METTL15: variants seen among roughly 807,000 people sequenced by gnomAD.
METTL15 encodes 12S rRNA N(4)-cytidine methyltransferase METTL15.
In METTL15, 34 loss-of-function variants were observed where a neutral mutation model predicts 38.3. That is an observed-to-expected ratio of 0.89 (90% CI 0.68 to 1.18). The LOEUF is 1.18. Among genes scored for constraint, METTL15 ranks in the 50% most tolerant of loss-of-function variants. METTL15 has a pLI of 0.00. For missense variants in METTL15, 438 were observed against 498.4 expected (o/e 0.88, Z 1.15); for synonymous variants, 162 against 170.9 (o/e 0.95, Z 0.41).
intron 5 of METTL15, among the ~76,000 whole-genome samples, chr11:28,393,205 T>G (rs1850529891): frequency 6.6e-6 from 1 of 152,116 alleles, no homozygotes; most frequent in Admixed American, 6.6e-5. Flanking sequence ...AACAGTATTT[T>G]AAAGAGGTAT....
intron 4 of METTL15, among the ~76,000 whole-genome samples, chr11:28,353,524 A>C (rs1850060046): frequency 6.6e-6 from 1 of 152,194 alleles, no homozygotes; most frequent in Non-Finnish European, 1.5e-5. Context: ...GATAGACAGC[A>C]GGTAGCCAGT....
At chr11:28,390,661 A>T (rs371355545) in intron 5 of METTL15, among the ~76,000 whole-genome samples, 1 of 152,154 alleles carries the variant, frequency 6.6e-6, no homozygotes, top group Non-Finnish European at 1.5e-5. Context: ...GTCAGGTAGC[A>T]TGATGCCTCC....
intron 5 of METTL15, among the ~76,000 whole-genome samples, chr11:28,400,738 T>C (rs1850623155): frequency 6.6e-6 from 1 of 151,918 alleles, no homozygotes; most frequent in Admixed American, 6.6e-5. Flanking sequence ...TGGGTGGGCT[T>C]GGTCAAGGGA....
intron 6 of METTL15, among the ~76,000 whole-genome samples, chr11:28,469,753 A>T (rs1304070753): frequency 2.6e-5 from 4 of 152,128 alleles, no homozygotes; most frequent in Non-Finnish European, 4.4e-5. Flanking sequence ...AAGTATGATG[A>T]TGTGCATTGA....
chr11:28,210,592 A>G (rs2133839236), intron 3 of METTL15, among the ~76,000 whole-genome samples: 1 of 151,864 alleles, frequency 6.6e-6, no homozygotes, highest in East Asian at 1.9e-4. Context: ...CTTATTTATT[A>G]TTAGGGATGT....
chr11:28,477,108 T>A (rs1851353436), intron 6 of METTL15, among the ~76,000 whole-genome samples: 1 of 152,232 alleles, frequency 6.6e-6, no homozygotes, highest in African/African-American at 2.4e-5. Context: ...AGACTTGTGC[T>A]GTTGAGGTCT....
chr11:28,371,002 T>C (rs1463195555), intron 5 of METTL15, among the ~76,000 whole-genome samples: 1 of 152,072 alleles, frequency 6.6e-6, no homozygotes, highest in East Asian at 1.9e-4. Flanking sequence ...ACTTTGTGGG[T>C]TGTCTCTTCA....
intron 5 of METTL15, among the ~76,000 whole-genome samples, chr11:28,292,341 G>A (rs1420666146): frequency 2.6e-5 from 4 of 151,616 alleles, no homozygotes; most frequent in Admixed American, 2.6e-4. Flanking sequence ...AGTTTGCTGA[G>A]AATGATGATT....
At chr11:28,353,103 C>G (rs946284587) in intron 4 of METTL15, among the ~76,000 whole-genome samples, 3 of 152,008 alleles carry the variant, frequency 2.0e-5, no homozygotes, top group Admixed American at 6.6e-5. Flanking sequence ...AAGAAAAGCC[C>G]ATATTCTGGG....
intron 5 of METTL15, among the ~76,000 whole-genome samples, chr11:28,386,646 G>C (rs987958515): frequency 1.3e-5 from 2 of 151,960 alleles, no homozygotes; most frequent in African/African-American, 4.8e-5. Context: ...ACTTTCAGTA[G>C]TAGATAGAAC....
In METTL15 at chr11:28,280,187, G is replaced by C. The variant is rs575629680; in HGVS notation, c.408-10019G>C. On this transcript the variant is annotated intron_variant, in intron 4 of 6. Coordinates refer to ENST00000407364, the MANE Select transcript of METTL15 (RefSeq NM_001113528.2). Reference sequence around the variant, plus strand: ...ATTTTTCCCATTCATTGCTTCGGTTGTATTTGTGATTATTTTATTCTGCCT... The same window carrying C: ...ATTTTTCCCATTCATTGCTTCGGTTCTATTTGTGATTATTTTATTCTGCCT... Among the ~76,000 whole-genome samples, 14 of 151,600 alleles carry C rather than the reference G, an allele frequency of 9.2e-5. No homozygotes were observed. In the South Asian group the frequency reaches 1.5e-3, roughly 16 times the overall value.
intron 5 of METTL15, among the ~76,000 whole-genome samples, chr11:28,368,128 C>CAAAAAAAAAAA (rs796151908): frequency 3.1e-5 from 1 of 32,576 alleles, no homozygotes; most frequent in African/African-American, 1.5e-4. Flanking sequence ...TTCTGCATAG[C>CAAAAAAAAAAA]AAAAAAAAAA....
At chr11:28,515,648 C>T (rs1247076259) in intron 6 of METTL15, among the ~76,000 whole-genome samples, 1 of 152,144 alleles carries the variant, frequency 6.6e-6, no homozygotes, top group Non-Finnish European at 1.5e-5. Flanking sequence ...GCAGTTATGA[C>T]AGAGATCATA....
At chr11:28,296,476 A>G (rs1856739018) in intron 5 of METTL15, among the ~76,000 whole-genome samples, 1 of 152,166 alleles carries the variant, frequency 6.6e-6, no homozygotes, top group African/African-American at 2.4e-5. Flanking sequence ...CAGGAAATAA[A>G]AATTTCTTTG....
intron 6 of METTL15, among the ~76,000 whole-genome samples, chr11:28,304,072 T>A (rs910229917): frequency 4.6e-5 from 7 of 151,574 alleles, no homozygotes; most frequent in African/African-American, 1.7e-4. Flanking sequence ...CTTGTAAGCA[T>A]TTTTTTTTCT....
At chr11:28,124,033 C>T in intron 3 of METTL15, 1 of 480,134 alleles carries the variant, frequency 2.1e-6, no homozygotes, top group Non-Finnish European at 3.5e-6. Flanking sequence ...TTCATTAATA[C>T]TAATTTCAGT....
intron 5 of METTL15, among the ~76,000 whole-genome samples, chr11:28,294,994 T>G (rs1470119290): frequency 6.6e-6 from 1 of 152,174 alleles, no homozygotes; most frequent in Non-Finnish European, 1.5e-5. Context: ...ATCCCATGGA[T>G]AAATTTCTAA....
chr11:28,340,324 C>T (rs757535134), intron 3 of METTL15, among the ~76,000 whole-genome samples: 2 of 151,922 alleles, frequency 1.3e-5, no homozygotes, highest in African/African-American at 4.8e-5. Flanking sequence ...CTACATAGTC[C>T]GATGTGCCCT....
intron 3 of METTL15, among the ~76,000 whole-genome samples, chr11:28,186,839 A>G (rs964749339): frequency 6.6e-6 from 1 of 151,126 alleles, no homozygotes; most frequent in Non-Finnish European, 1.5e-5. Flanking sequence ...GTTAATAGCA[A>G]GAGGATTCTT....
Sources: gnomAD v4.1 joint callset for allele counts (sites outside exome capture counted in the v4.1 genomes callset) on GRCh38, gnomAD v4.1.1 for gene constraint, MANE v1.5 for transcripts, NCBI Gene and HGNC (gene_info 2026-07-23, HGNC 2026-07-21) for gene names.